Variants in SORCS2 observed in about 807,000 individuals in gnomAD.
SORCS2 encodes VPS10 domain-containing receptor SorCS2.
In SORCS2, 100 loss-of-function variants were observed where a neutral mutation model predicts 141.6. The ratio of observed to expected loss-of-function variants is 0.71; its 90% confidence interval spans 0.60 to 0.83. SORCS2 has a LOEUF of 0.83. Among genes scored for constraint, SORCS2 ranks in the 40% least tolerant of loss-of-function variants. The pLI is 0.00. For synonymous variants in SORCS2, 789 were observed against 676.9 expected, an observed-to-expected ratio of 1.17 and a Z score of -2.57; for missense variants, 1,646 against 1,560.2, an observed-to-expected ratio of 1.05 and a Z score of -0.93.
chr4:7,295,394 G>A (rs1455906665), intron 1 of SORCS2, among the ~76,000 whole-genome samples: 3 of 151,898 alleles, frequency 2.0e-5, no homozygotes, highest in Non-Finnish European at 4.4e-5. Context: ...GGCCGGCCGG[G>A]TGCGTTGCTA....
intron 1 of SORCS2, among the ~76,000 whole-genome samples, chr4:7,322,906 C>T (rs1242431198): frequency 6.6e-6 from 1 of 152,190 alleles, no homozygotes; most frequent in African/African-American, 2.4e-5. Flanking sequence ...GCCTGCCTCC[C>T]CACCCCCATC....
Position 7,266,480 on chromosome 4 carries a change from G to A in SORCS2, c.480+73354G>A, listed in dbSNP as rs544952633. On this transcript the variant is annotated intron_variant, in intron 1 of 26. Transcript: ENST00000507866. ...CACCTTCTGTGCTCTGAGCTTTCCC[G>A]GGATGTCTCTGATCATCTCCAGGGA... Among the ~76,000 whole-genome samples, 29 of 152,240 alleles carry A rather than the reference G, an allele frequency of 1.9e-4. 1 individual carries two copies. Among genetic ancestry groups the A allele is most frequent in the Admixed American group, 1.4e-3 (21 of 15,300 alleles).
intron 10 of SORCS2, among the ~76,000 whole-genome samples, chr4:7,685,218 G>A (rs941622488): frequency 6.6e-6 from 1 of 152,266 alleles, no homozygotes; most frequent in African/African-American, 2.4e-5. Context: ...AGCTCAGTGA[G>A]GAGATAACCT....
intron 3 of SORCS2, among the ~76,000 whole-genome samples, chr4:7,551,739 A>C (rs1014581881): frequency 6.6e-6 from 1 of 152,002 alleles, no homozygotes; most frequent in Non-Finnish European, 1.5e-5. Context: ...TCAGCATCGA[A>C]CTCCAGGCAG....
chr4:7,736,873 G>A (rs1416735141), intron 25 of SORCS2, among the ~76,000 whole-genome samples, 196 bp from the exon 26 acceptor site: 1 of 152,194 alleles, frequency 6.6e-6, no homozygotes, highest in African/African-American at 2.4e-5. Flanking sequence ...CATGCAGGAG[G>A]GAGGGCTTCC....
At chr4:7,626,219 C>T (rs1056902741) in intron 3 of SORCS2, among the ~76,000 whole-genome samples, 3 of 152,132 alleles carry the variant, frequency 2.0e-5, no homozygotes, top group African/African-American at 7.2e-5. Context: ...GATGACCTAG[C>T]AGGAAACCTT....
At chr4:7,579,313 A>G (rs1310428995) in intron 3 of SORCS2, among the ~76,000 whole-genome samples, 2 of 152,198 alleles carry the variant, frequency 1.3e-5, no homozygotes, top group African/African-American at 4.8e-5. Flanking sequence ...TGAGTAGCTG[A>G]GTACCTACAA....
At chr4:7,708,947 A>G (rs1725649303) in intron 14 of SORCS2, among the ~76,000 whole-genome samples, 1 of 152,170 alleles carries the variant, frequency 6.6e-6, no homozygotes, top group Non-Finnish European at 1.5e-5. Context: ...TGCTCTGGCC[A>G]GGCCCTGGAT....
intron 1 of SORCS2, among the ~76,000 whole-genome samples, chr4:7,340,527 T>C (rs113515907): frequency 7.2e-5 from 11 of 152,344 alleles, no homozygotes; most frequent in African/African-American, 2.6e-4. Context: ...AGGTGGCTTC[T>C]GTGAATCAGC....
In SORCS2 at chr4:7,192,697, C is replaced by G. The variant is rs899903936; in HGVS notation, c.51C>G (p.Ala17=). The G allele has an allele frequency of 7.1e-6, 7 of 988,946 alleles. No homozygotes were observed. In the African/African-American group the frequency reaches 1.1e-4, roughly 15 times the overall value. The allele number at this position is 988,946 out of a possible 1,614,324, so 61.3% of individuals were successfully genotyped here. The change falls in exon 1 of 27, where the codon GCC becomes GCG. Residue 17 remains alanine (A), a synonymous_variant. Transcript: ENST00000507866. This position sits in a 1 kb window ranked among gnomAD's most constrained non-coding sequence, Gnocchi z 4.0. The part of the protein sequence containing the change: ...SRASKGPGPT[A]RAPSPGAPPP... ...CCTCGAAGGGCCCCGGCCCCACCGC[C>G]CGAGCCCCGAGCCCCGGGGCTCCGC...
At chr4:7,319,945 T>A (rs1718794748) in intron 1 of SORCS2, among the ~76,000 whole-genome samples, 1 of 152,218 alleles carries the variant, frequency 6.6e-6, no homozygotes, top group Admixed American at 6.5e-5. Flanking sequence ...TTTTCCTTGT[T>A]CTTACAGATG....
At chr4:7,250,403 G>C (rs185377093) in intron 1 of SORCS2, among the ~76,000 whole-genome samples, 1 of 152,202 alleles carries the variant, frequency 6.6e-6, no homozygotes, top group African/African-American at 2.4e-5. Flanking sequence ...CGGGAAACAC[G>C]CTGGCTCTTC....
At chr4:7,445,084 G>T (rs551848624) in intron 2 of SORCS2, among the ~76,000 whole-genome samples, 3 of 150,040 alleles carry the variant, frequency 2.0e-5, no homozygotes, top group Admixed American at 2.0e-4. Flanking sequence ...GGGATTGGGG[G>T]AGGCCCAGAC....
At chr4:7,643,366 C>T (rs1348617187) in intron 4 of SORCS2, among the ~76,000 whole-genome samples, 3 of 152,216 alleles carry the variant, frequency 2.0e-5, no homozygotes, top group African/African-American at 7.2e-5. Context: ...GCCTGGTCTT[C>T]AGACCTGCTT....
chr4:7,649,210 AG>A (rs1262266039), intron 4 of SORCS2, among the ~76,000 whole-genome samples: 2 of 152,118 alleles, frequency 1.3e-5, no homozygotes, highest in Non-Finnish European at 2.9e-5. Flanking sequence ...CATTCCAGGC[AG>A]GGGGCACAGC....
intron 3 of SORCS2, among the ~76,000 whole-genome samples, chr4:7,558,673 G>A (rs1264998413): frequency 6.6e-6 from 1 of 152,186 alleles, no homozygotes; most frequent in Non-Finnish European, 1.5e-5. Context: ...CCCACGCCCT[G>A]CACCGCTATC....
intron 3 of SORCS2, among the ~76,000 whole-genome samples, chr4:7,584,487 A>G (rs1278362452): frequency 6.6e-6 from 1 of 152,206 alleles, no homozygotes; most frequent in Non-Finnish European, 1.5e-5. Flanking sequence ...AGACCCCTCC[A>G]CCTCACAGGG....
intron 12 of SORCS2, among the ~76,000 whole-genome samples, chr4:7,699,454 AG>A (rs1447487695): frequency 6.6e-6 from 1 of 152,208 alleles, no homozygotes; most frequent in Non-Finnish European, 1.5e-5. Context: ...GTCCCAGTGC[AG>A]AGCCCTGGTG....
At chr4:7,659,835 C>G (rs551517956) in intron 5 of SORCS2, among the ~76,000 whole-genome samples, 2 of 152,336 alleles carry the variant, frequency 1.3e-5, no homozygotes, top group African/African-American at 4.8e-5. Context: ...CCCCCCACCA[C>G]TGTCCCTTCA....
Sources: allele counts gnomAD v4.1 joint callset (sites outside exome capture counted in the v4.1 genomes callset), GRCh38; gene constraint gnomAD v4.1.1; non-coding constraint Gnocchi (gnomAD v3.1); transcripts MANE v1.5; gene names NCBI Gene and HGNC (gene_info 2026-07-23, HGNC 2026-07-21).